METTL25: variants seen among roughly 807,000 people sequenced by gnomAD.
METTL25 encodes methyltransferase like 25, also known as probable methyltransferase-like protein 25.
A neutral mutation model predicts 71.6 loss-of-function variants in METTL25; 64 were observed. The observed-to-expected ratio is 0.89, with a 90% CI of 0.73 to 1.10. The LOEUF is 1.10. Among genes scored for constraint, METTL25 ranks in the 50% least tolerant of loss-of-function variants. The pLI is 0.00. For synonymous variants in METTL25, 287 were observed against 250.3 expected (o/e 1.15, Z -1.38); for missense variants, 807 against 707.0 (o/e 1.14, Z -1.60).
intron 3 of METTL25, among the ~76,000 whole-genome samples, chr12:82,396,281 T>TA (rs1886076871): frequency 6.6e-6 from 1 of 152,090 alleles, no homozygotes; most frequent in Admixed American, 6.6e-5. Flanking sequence ...TTCCCTGCAA[T>TA]ACCTATCCTA....
intron 1 of METTL25, among the ~76,000 whole-genome samples, chr12:82,360,579 G>T (rs10778892): frequency 1 from 151,431 of 151,936 alleles, 75,466 homozygotes; most frequent in Middle Eastern, 1. Context: ...TGACTCTAAC[G>T]CTGAAAAGAT....
At chr12:82,434,661 TA>T (rs776187968) in intron 6 of METTL25, 33 bp from the exon 7 acceptor site, 1 of 1,488,358 alleles carries the variant, frequency 6.7e-7, no homozygotes, top group African/African-American at 1.5e-5. Flanking sequence ...AGACTCAATA[TA>T]TCAACAATCT....
chr12:82,382,866 A>G (rs2136924214), intron 1 of METTL25, among the ~76,000 whole-genome samples: 1 of 151,908 alleles, frequency 6.6e-6, no homozygotes, highest in South Asian at 2.1e-4. Flanking sequence ...ATGCCACTGT[A>G]CCCAGCTAAT....
chr12:82,452,769 A>G (rs1365338914), intron 8 of METTL25, among the ~76,000 whole-genome samples: 1 of 152,154 alleles, frequency 6.6e-6, no homozygotes, highest in Non-Finnish European at 1.5e-5. Flanking sequence ...AATAGTGGTA[A>G]TAATACTATA....
intron 5 of METTL25, among the ~76,000 whole-genome samples, chr12:82,414,657 TATA>T (rs1887817185): frequency 6.6e-6 from 1 of 152,168 alleles, no homozygotes; most frequent in African/African-American, 2.4e-5. Context: ...ATACTTTGTA[TATA>T]AAGTAATATG....
intron 10 of METTL25, 79 bp downstream of exon 10, chr12:82,476,797 T>C: frequency 2.3e-6 from 2 of 860,328 alleles, no homozygotes; most frequent in East Asian, 2.6e-5. Flanking sequence ...TATTATGGGC[T>C]AAGCAATCTA....
At chr12:82,456,207 A>G (rs1374074228) in intron 8 of METTL25, among the ~76,000 whole-genome samples, 1 of 151,922 alleles carries the variant, frequency 6.6e-6, no homozygotes, top group Non-Finnish European at 1.5e-5. Flanking sequence ...GTTTAAATTC[A>G]AAACCATCCC....
At chr12:82,395,822 C>G (rs186685468) in intron 3 of METTL25, among the ~76,000 whole-genome samples, 166 of 152,046 alleles carry the variant, frequency 1.1e-3, no homozygotes, top group Non-Finnish European at 1.5e-3. Context: ...GGCAGGAGAT[C>G]AGGGTGGTGG....
intron 9 of METTL25, among the ~76,000 whole-genome samples, chr12:82,473,150 C>T (rs1892664909): frequency 1.3e-5 from 2 of 151,770 alleles, no homozygotes; most frequent in South Asian, 4.2e-4. Flanking sequence ...AGTGGTGGGG[C>T]AGCTTTGCTA....
chr12:82,446,458 A>C (rs570959158), intron 8 of METTL25, among the ~76,000 whole-genome samples: 2 of 151,214 alleles, frequency 1.3e-5, no homozygotes, highest in Non-Finnish European at 2.9e-5. Flanking sequence ...AGTAGAAATC[A>C]TATCAAGTAT....
chr12:82,458,164 A>G (rs970513941), intron 9 of METTL25, among the ~76,000 whole-genome samples: 3 of 152,132 alleles, frequency 2.0e-5, no homozygotes, highest in African/African-American at 7.2e-5. Flanking sequence ...TATAACTAAT[A>G]AGATACTAAG....
rs56872887 is a variant in METTL25, at chr12:82,408,597, CGTGTGTGT to C, written c.1279+5489_1279+5496del. 5.1e-3 allele frequency among the ~76,000 whole-genome samples: 755 copies of C among 147,732 alleles called. 8 individuals carry two copies. The highest frequency in any genetic ancestry group is 0.018 in the African/African-American group (734 of 40,048). ...CTTTATCAATGAACAGATGTGACTC[CGTGTGTGT>C]GTGTGTGTGTGTGTGTGTGTGAAGG... On this transcript the variant is annotated intron_variant, in intron 5 of 11. Transcript: ENST00000248306.
At chr12:82,424,521 A>G (rs953555989) in intron 5 of METTL25, among the ~76,000 whole-genome samples, 1 of 138,454 alleles carries the variant, frequency 7.2e-6, no homozygotes, top group Non-Finnish European at 1.5e-5. Context: ...TGTACCTTAG[A>G]GCTTAAAGTA....
intron 3 of METTL25, among the ~76,000 whole-genome samples, chr12:82,390,371 A>T (rs1479072044): frequency 6.6e-6 from 1 of 152,118 alleles, no homozygotes; most frequent in East Asian, 1.9e-4. Flanking sequence ...GGATTATATC[A>T]TAGTGTTTGA....
intron 9 of METTL25, among the ~76,000 whole-genome samples, chr12:82,457,547 A>T (rs777269283): frequency 1.1e-4 from 17 of 152,038 alleles, no homozygotes; most frequent in Non-Finnish European, 2.2e-4. Flanking sequence ...TTATTCATTT[A>T]GTCCCCAGTT....
At chr12:82,368,391 TG>T (rs1359390301) in intron 1 of METTL25, among the ~76,000 whole-genome samples, 1 of 152,176 alleles carries the variant, frequency 6.6e-6, no homozygotes, top group Non-Finnish European at 1.5e-5. Context: ...CACACACCCC[TG>T]GAATTGTAGC....
intron 5 of METTL25, among the ~76,000 whole-genome samples, chr12:82,411,648 T>C (rs550630015): frequency 6.6e-6 from 1 of 152,148 alleles, no homozygotes; most frequent in Admixed American, 6.6e-5. Context: ...TATATTGACA[T>C]AAGTAATTTG....
chr12:82,469,693 CAGA>C (rs1259950360), intron 9 of METTL25, among the ~76,000 whole-genome samples: 2 of 151,728 alleles, frequency 1.3e-5, no homozygotes, highest in Non-Finnish European at 2.9e-5. Context: ...CAAGTGCAAG[CAGA>C]AGATGATATC....
At chr12:82,412,677 A>G (rs1887643106) in intron 5 of METTL25, among the ~76,000 whole-genome samples, 1 of 152,172 alleles carries the variant, frequency 6.6e-6, no homozygotes, top group Non-Finnish European at 1.5e-5. Context: ...TTTACCAAAT[A>G]GTATTTGGCA....
Sources: gnomAD v4.1 joint callset for allele counts (sites outside exome capture counted in the v4.1 genomes callset) on GRCh38, gnomAD v4.1.1 for gene constraint, MANE v1.5 for transcripts, NCBI Gene and HGNC (gene_info 2026-07-23, HGNC 2026-07-21) for gene names.